KCNQ1: variants seen among roughly 807,000 people sequenced by gnomAD.
KCNQ1 encodes potassium voltage-gated channel subfamily KQT member 1.
Under a neutral mutation model 72.4 loss-of-function variants are expected in KCNQ1, and 49 were observed. The ratio of observed to expected loss-of-function variants is 0.68; its 90% CI spans 0.54 to 0.86. The LOEUF is 0.86. Among genes scored for constraint, KCNQ1 ranks in the 40% least tolerant of loss-of-function variants. The pLI is 0.00. For synonymous variants in KCNQ1, 450 were observed against 412.6 expected (o/e 1.09, Z -1.10); for missense variants, 790 against 945.1 (o/e 0.84, Z 2.15).
chr11:2,641,128 C>T lies in KCNQ1; in HGVS notation c.1394-20833C>T, dbSNP rs140962636. On this transcript the variant is annotated intron_variant, in intron 10 of 15. Coordinates refer to ENST00000155840, the MANE Select transcript of KCNQ1 (RefSeq NM_000218.3). ...GTTGTGAATAGTGCTGCAATAAACA[C>T]GGGGATGCAGGTACATTTTTAGTAT... is the stretch of plus-strand genomic sequence containing the variant. 1,170 of 398,408 alleles carry T rather than the reference C, an allele frequency of 2.9e-3. 8 individuals carry two copies. The highest frequency in any genetic ancestry group is 0.02 in the African/African-American group (997 of 48,708). 24.7% of individuals were successfully genotyped at this position (398,408 alleles called of 1,614,324 possible). A position where few individuals can be genotyped will look rare whatever the true frequency, so the allele number is the denominator to read the frequency against.
intron 1 of KCNQ1, among the ~76,000 whole-genome samples, chr11:2,452,059 C>G (rs939269716): frequency 1.8e-4 from 27 of 152,214 alleles, no homozygotes; most frequent in African/African-American, 6.3e-4. Flanking sequence ...TGCCTGCGTC[C>G]TGGCAGCGGG....
At chr11:2,650,752 C>T (rs1341478272) in intron 10 of KCNQ1, 2 of 398,630 alleles carry the variant, frequency 5.0e-6, no homozygotes, top group Non-Finnish European at 8.8e-6. Flanking sequence ...CACTTTGCTA[C>T]CCACAGGCAA....
chr11:2,650,086 A>G (rs1236128840), intron 10 of KCNQ1: 2 of 398,110 alleles, frequency 5.0e-6, no homozygotes, highest in South Asian at 1.3e-4. Context: ...GAAGCTTTCA[A>G]TTGTATTTTT....
chr11:2,695,243 C>T lies in KCNQ1; in HGVS notation c.1514+33162C>T. The T allele has an allele frequency of 2.5e-6, 1 of 398,650 alleles. No individual in the cohort carries two copies. Among genetic ancestry groups the T allele is most frequent in the Non-Finnish European group, 4.4e-6 (1 of 226,138 alleles). The allele number at this position is 398,650 out of a possible 1,614,324, so 24.7% of individuals were successfully genotyped here. On this transcript the variant is annotated intron_variant, in intron 11 of 15. Transcript: ENST00000155840. This position sits in a 1 kb window ranked among gnomAD's most constrained non-coding sequence, Gnocchi z 5.2. Reference sequence around the variant, plus strand: ...CATAAAGTCACCGCTCTCTTCCTCTCCATGCTTTTCCACTTCATCTCTAGC... The same window carrying T: ...CATAAAGTCACCGCTCTCTTCCTCTTCATGCTTTTCCACTTCATCTCTAGC...
rs1846688576 is a variant in KCNQ1, at chr11:2,483,602, A to G, written c.386+38118A>G. ...GTCTTTCGTGACCTTGATGTTTTAG[A>G]TAAGTACTGGGCGGCTGTTTTGTAG... On this transcript the variant is annotated intron_variant, in intron 1 of 15. Coordinates refer to ENST00000155840, the MANE Select transcript of KCNQ1 (RefSeq NM_000218.3). The surrounding 1 kb of genome is among the most constrained non-coding windows in gnomAD (Gnocchi z 6.1). 6.6e-6 allele frequency among the ~76,000 whole-genome samples: 1 copy of G among 152,072 alleles called. No individual in the cohort carries two copies. The highest frequency in any genetic ancestry group is 1.5e-5 in the Non-Finnish European group (1 of 68,006).
At chr11:2,793,543 G>T (rs1255789238) in intron 15 of KCNQ1, among the ~76,000 whole-genome samples, 1 of 152,198 alleles carries the variant, frequency 6.6e-6, no homozygotes, top group African/African-American at 2.4e-5. Flanking sequence ...AGAATCGCTT[G>T]AGCCCAGGAG....
chr11:2,533,317 G>A (rs1213831899), intron 2 of KCNQ1, among the ~76,000 whole-genome samples: 4 of 152,218 alleles, frequency 2.6e-5, no homozygotes, highest in Admixed American at 6.5e-5. Context: ...GAGGAATCTG[G>A]TCTCGGCTGG....
At chr11:2,528,868 A>G (rs960910633) in intron 2 of KCNQ1, among the ~76,000 whole-genome samples, 1 of 152,210 alleles carries the variant, frequency 6.6e-6, no homozygotes, top group Non-Finnish European at 1.5e-5. Context: ...CGGGGTCCAG[A>G]GTCCTCTCGC....
In KCNQ1 at chr11:2,478,762, G is replaced by A. The variant is rs564802196; in HGVS notation, c.386+33278G>A. Among the ~76,000 whole-genome samples, 16 of 152,102 alleles carry A rather than the reference G, an allele frequency of 1.1e-4. No homozygotes were observed. Among genetic ancestry groups the A allele is most frequent in the South Asian group, 8.3e-4 (4 of 4,810 alleles). On this transcript the variant is annotated intron_variant, in intron 1 of 15. Coordinates refer to ENST00000155840, the MANE Select transcript of KCNQ1 (RefSeq NM_000218.3). The surrounding 1 kb of genome is among the most constrained non-coding windows in gnomAD (Gnocchi z 4.0). ...TCAAAACCAATCATGCCTTCCCAAC[G>A]GTGCCCCAAAGTCTTAACTCATTTC...
chr11:2,635,341 C>A (rs9667408), intron 10 of KCNQ1: 1 of 150,856 alleles, frequency 6.6e-6, no homozygotes, highest in Non-Finnish European at 1.5e-5. Context: ...TTTAATCCAT[C>A]TTGAATTAAT....
At chr11:2,556,127 C>G (rs11023282) in intron 2 of KCNQ1, among the ~76,000 whole-genome samples, 1 of 151,850 alleles carries the variant, frequency 6.6e-6, no homozygotes, top group Non-Finnish European at 1.5e-5. Context: ...TCCCGGTCGA[C>G]GCATCGCACC....
At position 2,784,686 on chromosome 11, in the gene KCNQ1, G is replaced by A. The variant is rs370203961; in HGVS notation, c.1794+6649G>A. On this transcript the variant is annotated intron_variant, in intron 15 of 15. Transcript: ENST00000155840. The surrounding 1 kb of genome is among the most constrained non-coding windows in gnomAD (Gnocchi z 4.7). ...ACATGGTATATCCCTCCATTTATTTGATCTACTTTAATTTCTTTCAGTGAT... is the reference window on the plus strand; with the variant it reads ...ACATGGTATATCCCTCCATTTATTTAATCTACTTTAATTTCTTTCAGTGAT... Among the ~76,000 whole-genome samples the A allele has an allele frequency of 4.0e-5, 6 of 151,838 alleles. No homozygotes were observed. In the East Asian group the frequency reaches 5.8e-4, roughly 15 times the overall value.
chr11:2,828,986 G>A lies in KCNQ1; in HGVS notation c.1795-18781G>A, dbSNP rs917759504. On this transcript the variant is annotated intron_variant, in intron 15 of 15. Transcript: ENST00000155840. This position sits in a 1 kb window ranked among gnomAD's most constrained non-coding sequence, Gnocchi z 5.3. ...AGAGAAATGCCTTCAAACATCTGAG[G>A]GAAAAAATGATTTCCCATCCAGAAT... 2.0e-5 allele frequency among the ~76,000 whole-genome samples: 3 copies of A among 152,022 alleles called. No homozygotes were observed. Among genetic ancestry groups the A allele is most frequent in the African/African-American group, 7.2e-5 (3 of 41,388 alleles).
chr11:2,790,522 A>T (rs1846999368), intron 15 of KCNQ1, among the ~76,000 whole-genome samples: 1 of 151,986 alleles, frequency 6.6e-6, no homozygotes, highest in South Asian at 2.1e-4. Flanking sequence ...CCACACACAG[A>T]CCCCTTTCCC....
rs1849649601 is a variant in KCNQ1, at chr11:2,645,329, G to T, written c.1394-16632G>T. ...GTGCCAACAATACTGGATAGGGCAG[G>T]GTGATCCCTAGGCCCAGAGATGGTA... On this transcript the variant is annotated intron_variant, in intron 10 of 15. Coordinates refer to ENST00000155840, the MANE Select transcript of KCNQ1 (RefSeq NM_000218.3). The surrounding 1 kb of genome is among the most constrained non-coding windows in gnomAD (Gnocchi z 5.8). The T allele has an allele frequency of 5.0e-6, 2 of 398,758 alleles. No homozygotes were observed. Among genetic ancestry groups the T allele is most frequent in the East Asian group, 7.1e-5 (2 of 28,064 alleles). The allele number at this position is 398,758 out of a possible 1,614,324, so 24.7% of individuals were successfully genotyped here.
In KCNQ1 at chr11:2,464,965, A is replaced by C. The variant is rs997684214; in HGVS notation, c.386+19481A>C. ...ACTCTGGGCACTGATGGGCTGGTCC[A>C]GTGCAGGGAGCTGCCCCGGCCGCCC... On this transcript the variant is annotated intron_variant, in intron 1 of 15. Coordinates refer to ENST00000155840, the MANE Select transcript of KCNQ1 (RefSeq NM_000218.3). The surrounding 1 kb of genome is among the most constrained non-coding windows in gnomAD (Gnocchi z 5.0). Among the ~76,000 whole-genome samples the C allele has an allele frequency of 6.6e-6, 1 of 152,166 alleles. No homozygotes were observed. Among genetic ancestry groups the C allele is most frequent in the Non-Finnish European group, 1.5e-5 (1 of 68,012 alleles).
At position 2,830,194 on chromosome 11, in the gene KCNQ1, G is replaced by C. The variant is rs1023320795; in HGVS notation, c.1795-17573G>C. On this transcript the variant is annotated intron_variant, in intron 15 of 15. Coordinates refer to ENST00000155840, the MANE Select transcript of KCNQ1 (RefSeq NM_000218.3). This position sits in a 1 kb window ranked among gnomAD's most constrained non-coding sequence, Gnocchi z 7.7. The stretch of plus-strand genomic sequence containing the variant: ...CAGGCCCTTTACACCGTGGGCACAG[G>C]CTCAGGACTGGCTGGGTGCTACGCA... Among the ~76,000 whole-genome samples the C allele has an allele frequency of 6.6e-6, 1 of 152,164 alleles. No homozygotes were observed. Among genetic ancestry groups the C allele is most frequent in the East Asian group, 1.9e-4 (1 of 5,182 alleles).
At chr11:2,731,328 T>A (rs1375089294) in intron 11 of KCNQ1, among the ~76,000 whole-genome samples, 2 of 152,178 alleles carry the variant, frequency 1.3e-5, no homozygotes, top group Non-Finnish European at 2.9e-5. Flanking sequence ...AATGCCCAAA[T>A]GCCCTCGTCC....
chr11:2,661,887 T>C lies in KCNQ1; in HGVS notation c.1394-74T>C. ...CCACTCCTCACCTGGCCCTGGGAGC[T>C]CACAGGCCTGGCTCCACAGCACTGG... On this transcript the variant is annotated intron_variant, in intron 10 of 15. Coordinates refer to ENST00000155840, the MANE Select transcript of KCNQ1 (RefSeq NM_000218.3). This position sits in a 1 kb window ranked among gnomAD's most constrained non-coding sequence, Gnocchi z 5.9. 2 of 1,595,254 alleles carry C rather than the reference T, an allele frequency of 1.3e-6. No individual in the cohort carries two copies. Among genetic ancestry groups the C allele is most frequent in the Non-Finnish European group, 1.7e-6 (2 of 1,163,966 alleles).
Sources: allele counts gnomAD v4.1 joint callset (sites outside exome capture counted in the v4.1 genomes callset), GRCh38; gene constraint gnomAD v4.1.1; non-coding constraint Gnocchi (gnomAD v3.1); transcripts MANE v1.5; gene names NCBI Gene and HGNC (gene_info 2026-07-23, HGNC 2026-07-21).